VEGFC: variants seen among roughly 807,000 people sequenced by gnomAD.
The protein encoded by VEGFC is FLT4 ligand DHM.
A neutral mutation model predicts 46.1 loss-of-function variants in VEGFC; 12 were observed. The observed-to-expected ratio is 0.26, with a 90% CI of 0.17 to 0.42. The LOEUF is 0.42. Among genes scored for constraint, VEGFC ranks in the 10% least tolerant of loss-of-function variants. VEGFC has a pLI of 1.00. For synonymous variants in VEGFC, 232 were observed against 195.5 expected (o/e 1.19, Z -1.56); for missense variants, 488 against 529.4 (o/e 0.92, Z 0.77).
rs574108993 is a variant in VEGFC at position 176,741,605 on chromosome 4, T to TA, written c.148-11860dup. Reference sequence around the variant, plus strand: ...CTAAAACACATTATTCTATGGATAATAAAAAAAGATAAAATGTAACCTTCA... The same window carrying TA: ...CTAAAACACATTATTCTATGGATAATAAAAAAAAGATAAAATGTAACCTTCA... On this transcript the variant is annotated intron_variant, in intron 1 of 6. Transcript: ENST00000618562. Among the ~76,000 whole-genome samples, 22 of 151,964 alleles carry TA rather than the reference T, an allele frequency of 1.4e-4. No individual in the cohort carries two copies. In the South Asian group the frequency reaches 4.4e-3, roughly 30 times the overall value.
At chr4:176,724,468 T>A (rs1015429753) in intron 3 of VEGFC, among the ~76,000 whole-genome samples, 1 of 152,206 alleles carries the variant, frequency 6.6e-6, no homozygotes. Flanking sequence ...ATAAACTATG[T>A]GATTATAGGC....
At chr4:176,744,768 TGAA>T (rs1735233997) in intron 1 of VEGFC, among the ~76,000 whole-genome samples, 1 of 151,916 alleles carries the variant, frequency 6.6e-6, no homozygotes, top group Admixed American at 6.6e-5. Context: ...GTTTTATAAA[TGAA>T]GAAGCTGAGG....
At chr4:176,698,591 T>G (rs73007551) in intron 4 of VEGFC, among the ~76,000 whole-genome samples, 7,511 of 151,896 alleles carry the variant, frequency 0.049, 340 homozygotes, top group Admixed American at 0.11. Flanking sequence ...ACTGTGTGTG[T>G]GGGGGAGTTG....
At chr4:176,763,354 TG>T (rs1175925168) in intron 1 of VEGFC, among the ~76,000 whole-genome samples, 1 of 78,586 alleles carries the variant, frequency 1.3e-5, no homozygotes, top group African/African-American at 3.9e-5. Context: ...TAAGAGAAAA[TG>T]AAAAAAAACT....
At chr4:176,714,409 A>G (rs781680531) in intron 3 of VEGFC, among the ~76,000 whole-genome samples, 9 of 152,186 alleles carry the variant, frequency 5.9e-5, no homozygotes, top group Admixed American at 6.5e-5. Flanking sequence ...TGCCAGCATC[A>G]TGCTTCCTGT....
intron 1 of VEGFC, among the ~76,000 whole-genome samples, chr4:176,748,317 C>T (rs1735290365): frequency 6.6e-6 from 1 of 151,982 alleles, no homozygotes; most frequent in Admixed American, 6.6e-5. Flanking sequence ...GATATCAATC[C>T]AAATTTGAGC....
intron 1 of VEGFC, among the ~76,000 whole-genome samples, chr4:176,748,854 ATTC>A (rs1299375570): frequency 6.6e-6 from 1 of 151,988 alleles, no homozygotes; most frequent in East Asian, 1.9e-4. Context: ...CTTTTACAAA[ATTC>A]TTCTAAAAAT....
At chr4:176,754,560 A>G (rs1735401516) in intron 1 of VEGFC, among the ~76,000 whole-genome samples, 1 of 151,948 alleles carries the variant, frequency 6.6e-6, no homozygotes, top group South Asian at 2.1e-4. Context: ...ACATCACACC[A>G]TTCTGAATCT....
At chr4:176,687,013 C>A (rs1734053440) in intron 6 of VEGFC, among the ~76,000 whole-genome samples, 174 bp downstream of exon 6, 1 of 152,046 alleles carries the variant, frequency 6.6e-6, no homozygotes, top group South Asian at 2.1e-4. Context: ...TTTTTGGAAG[C>A]AAATCCAGTC....
chr4:176,698,197 C>G (rs557245110), intron 4 of VEGFC, among the ~76,000 whole-genome samples: 1 of 151,218 alleles, frequency 6.6e-6, no homozygotes, highest in South Asian at 2.1e-4. Flanking sequence ...AACATCACAG[C>G]AGGCTATTTT....
At chr4:176,743,515 G>A (rs1735210911) in intron 1 of VEGFC, among the ~76,000 whole-genome samples, 1 of 151,042 alleles carries the variant, frequency 6.6e-6, no homozygotes, top group Non-Finnish European at 1.5e-5. Flanking sequence ...TATAATATAT[G>A]TAAACAACAT....
intron 1 of VEGFC, among the ~76,000 whole-genome samples, chr4:176,744,161 G>A (rs1735222679): frequency 6.6e-6 from 1 of 151,850 alleles, no homozygotes; most frequent in African/African-American, 2.4e-5. Flanking sequence ...GATTAACCCT[G>A]GATTCTCATT....
chr4:176,759,710 C>T (rs147674706), intron 1 of VEGFC, among the ~76,000 whole-genome samples: 6 of 149,242 alleles, frequency 4.0e-5, no homozygotes, highest in South Asian at 2.2e-4. Context: ...TGCATATAGC[C>T]GAGTTTTCAT....
At chr4:176,752,166 T>C (rs1735353321) in intron 1 of VEGFC, among the ~76,000 whole-genome samples, 1 of 152,050 alleles carries the variant, frequency 6.6e-6, no homozygotes, top group Admixed American at 6.6e-5. Flanking sequence ...TCCAGTATCC[T>C]CAATATTAAA....
At chr4:176,713,986 A>G (rs1331940566) in intron 3 of VEGFC, among the ~76,000 whole-genome samples, 1 of 152,200 alleles carries the variant, frequency 6.6e-6, no homozygotes, top group Non-Finnish European at 1.5e-5. Flanking sequence ...GTAGGAAGGA[A>G]GCAGCAGTGG....
chr4:176,773,045 G>C (rs1311518244), intron 1 of VEGFC, among the ~76,000 whole-genome samples: 1 of 152,162 alleles, frequency 6.6e-6, no homozygotes, highest in Non-Finnish European at 1.5e-5. Context: ...CTTACAGCCA[G>C]GAATGGCAAA....
At position 176,792,262 on chromosome 4, in the gene VEGFC, G is replaced by C; in HGVS notation, c.50C>G (p.Ala17Gly). The C allele has an allele frequency of 6.4e-7, 1 of 1,553,520 alleles. No individual in the cohort carries two copies. The highest frequency in any genetic ancestry group is 8.7e-7 in the Non-Finnish European group (1 of 1,152,158). Residue 17 changes from alanine to glycine, a missense_variant, in exon 1 of 7, where the codon GCG becomes GGG. Ala to Gly is a moderately conservative substitution (Grantham distance 60). Transcript: ENST00000618562. The surrounding 1 kb of genome is among the most constrained non-coding windows in gnomAD (Gnocchi z 6.3). ...CGCCTCGCGAGGACCCGGGAGCAGC[G>C]CAGCGGCGAGCAGAGAACACGCCAC... The part of the protein sequence containing the change: ...FSVACSLLAA[A>G]LLPGPREAPA...
At chr4:176,789,076 G>A (rs756840510) in intron 1 of VEGFC, among the ~76,000 whole-genome samples, 30 of 152,254 alleles carry the variant, frequency 2.0e-4, no homozygotes, top group Middle Eastern at 3.4e-3. Context: ...CCAGGGATTC[G>A]GGAAACCTTC....
intron 1 of VEGFC, among the ~76,000 whole-genome samples, chr4:176,781,415 A>G (rs1735912721): frequency 6.6e-6 from 1 of 152,224 alleles, no homozygotes; most frequent in Non-Finnish European, 1.5e-5. Context: ...AATACACAAA[A>G]CAGACACAAA....
Sources: gnomAD v4.1 joint callset for allele counts (sites outside exome capture counted in the v4.1 genomes callset) on GRCh38, gnomAD v4.1.1 for gene constraint, Gnocchi (gnomAD v3.1) non-coding constraint, MANE v1.5 for transcripts, NCBI Gene and HGNC (gene_info 2026-07-23, HGNC 2026-07-21) for gene names.